The following PDK1 variants were observed in gnomAD, a reference collection of about 807,000 sequenced individuals.
The protein encoded by PDK1 is pyruvate dehydrogenase kinase 1.
A neutral mutation model predicts 54.2 loss-of-function variants in PDK1; 39 were observed. The observed-to-expected ratio is 0.72, with a 90% CI of 0.56 to 0.94. The LOEUF (loss-of-function observed/expected upper bound fraction) is 0.94, where lower values mean the gene tolerates loss of function less well. Among genes scored for constraint, PDK1 ranks in the 40% least tolerant of loss-of-function variants. The pLI is 0.00. For synonymous variants in PDK1, 221 were observed against 207.1 expected (o/e 1.07, Z -0.58); for missense variants, 552 against 566.0 (o/e 0.98, Z 0.25).
the PDK1 span, among the ~76,000 whole-genome samples, chr2:172,666,697 T>C: frequency 6.6e-6 from 1 of 151,926 alleles, no homozygotes; most frequent in Non-Finnish European, 1.5e-5. Flanking sequence ...ATGACTAAGG[T>C]CAGAGTAGGT....
At chr2:172,713,812 G>GT in the PDK1 span, among the ~76,000 whole-genome samples, 3 of 152,186 alleles carry the variant, frequency 2.0e-5, no homozygotes, top group Non-Finnish European at 2.9e-5. Context: ...AGGGGGTGTG[G>GT]ATCCCGTCTG....
chr2:172,642,015 A>G, the PDK1 span, among the ~76,000 whole-genome samples: 1 of 152,152 alleles, frequency 6.6e-6, no homozygotes. Context: ...CAATAACGTC[A>G]TAATTAACAA....
At chr2:172,616,875 C>G in the PDK1 span, among the ~76,000 whole-genome samples, 5 of 152,160 alleles carry the variant, frequency 3.3e-5, no homozygotes, top group Non-Finnish European at 5.9e-5. Flanking sequence ...AAAAGCAGAA[C>G]ATGGTATACA....
chr2:172,634,592 G>A, the PDK1 span, among the ~76,000 whole-genome samples: 308 of 151,960 alleles, frequency 2.0e-3, no homozygotes, highest in Middle Eastern at 3.4e-3. Context: ...TTATTTTAAC[G>A]TCTGGATAGT....
the PDK1 span, among the ~76,000 whole-genome samples, chr2:172,670,575 T>C: frequency 1.3e-5 from 2 of 152,162 alleles, no homozygotes; most frequent in Non-Finnish European, 2.9e-5. Flanking sequence ...ATAGTGAACA[T>C]TTTTTTCCTC....
the PDK1 span, among the ~76,000 whole-genome samples, chr2:172,694,618 G>C: frequency 1.3e-5 from 2 of 152,100 alleles, no homozygotes; most frequent in African/African-American, 4.8e-5. Flanking sequence ...CTATGAGTGC[G>C]CCCTGTGATG....
At chr2:172,677,932 G>T in the PDK1 span, among the ~76,000 whole-genome samples, 5 of 152,204 alleles carry the variant, frequency 3.3e-5, no homozygotes, top group Non-Finnish European at 5.9e-5. Flanking sequence ...ACTTTGGGAG[G>T]CCAAGGCAGG....
intron 8 of PDK1, among the ~76,000 whole-genome samples, chr2:172,582,973 A>G (rs1287869581): frequency 6.6e-6 from 1 of 152,166 alleles, no homozygotes; most frequent in African/African-American, 2.4e-5. Flanking sequence ...TGTACTTGCT[A>G]GGTTGTTGTT....
chr2:172,700,912 A>G, the PDK1 span, among the ~76,000 whole-genome samples: 1 of 152,138 alleles, frequency 6.6e-6, no homozygotes, highest in African/African-American at 2.4e-5. Context: ...CCGAGGCAGG[A>G]GAATCAGGCA....
chr2:172,618,838 G>A, the PDK1 span, among the ~76,000 whole-genome samples: 1 of 152,172 alleles, frequency 6.6e-6, no homozygotes, highest in Non-Finnish European at 1.5e-5. Context: ...CAGAGTTGGG[G>A]ATGGCTCTTC....
Position 172,566,506 on chromosome 2 carries a change from G to A in PDK1, c.692-350G>A, listed in dbSNP as rs548472958. Among the ~76,000 whole-genome samples, 187 of 151,984 alleles carry A rather than the reference G, an allele frequency of 1.2e-3. 1 individual carries two copies. Among genetic ancestry groups the A allele is most frequent in the African/African-American group, 4.3e-3 (178 of 41,434 alleles). ...AGGGAGGTGGAGGCTGCAGTGAGCC[G>A]AGATAGCGCCACTGCACTCCAGCCT... On this transcript the variant is annotated intron_variant, in intron 5 of 10. Coordinates refer to ENST00000282077, the MANE Select transcript of PDK1 (RefSeq NM_002610.5).
At chr2:172,593,184 C>A in intron 10 of PDK1, 136 bp downstream of exon 10, 1 of 470,802 alleles carries the variant, frequency 2.1e-6, no homozygotes, top group Non-Finnish European at 3.9e-6. Flanking sequence ...CTGGGGATCT[C>A]ACCCATTTTG....
the PDK1 span, among the ~76,000 whole-genome samples, chr2:172,644,002 T>A: frequency 1.3e-5 from 2 of 152,170 alleles, no homozygotes; most frequent in Non-Finnish European, 2.9e-5. Context: ...ATATGAAACT[T>A]GAAGCTTCAG....
At chr2:172,612,473 T>G (rs1558969850), downstream of PDK1, among the ~76,000 whole-genome samples, 3 of 152,142 alleles carry the variant, frequency 2.0e-5, no homozygotes, top group African/African-American at 7.2e-5. Flanking sequence ...TTAGAAGGTT[T>G]GTTTTTTTTT....
chr2:172,584,372 G>GTTT (rs149706116), intron 8 of PDK1, among the ~76,000 whole-genome samples: 2 of 139,270 alleles, frequency 1.4e-5, no homozygotes, highest in African/African-American at 5.3e-5. Flanking sequence ...CTTTGTAACT[G>GTTT]TTTTTTTTTT....
the PDK1 span, among the ~76,000 whole-genome samples, chr2:172,617,332 T>C: frequency 6.6e-6 from 1 of 152,062 alleles, no homozygotes; most frequent in Non-Finnish European, 1.5e-5. Flanking sequence ...AAGAGATAAT[T>C]CTTATTAAAT....
chr2:172,617,136 A>G, the PDK1 span, among the ~76,000 whole-genome samples: 2 of 151,982 alleles, frequency 1.3e-5, no homozygotes, highest in Non-Finnish European at 2.9e-5. Context: ...TATTTTCAGT[A>G]GGGATGGATT....
the PDK1 span, among the ~76,000 whole-genome samples, chr2:172,629,926 G>C: frequency 6.6e-6 from 1 of 152,228 alleles, no homozygotes; most frequent in Admixed American, 6.5e-5. Context: ...AGTCCTGTGA[G>C]GAGGTCAAGG....
the PDK1 span, among the ~76,000 whole-genome samples, chr2:172,651,167 AACTC>A: frequency 6.6e-6 from 1 of 152,156 alleles, no homozygotes; most frequent in Non-Finnish European, 1.5e-5. Context: ...AGGATTAAGA[AACTC>A]ACTCAAAACC....
Sources: gnomAD v4.1 joint callset for allele counts (sites outside exome capture counted in the v4.1 genomes callset) on GRCh38, gnomAD v4.1.1 for gene constraint, MANE v1.5 for transcripts, NCBI Gene and HGNC (gene_info 2026-07-23, HGNC 2026-07-21) for gene names.